The following MTTP variants were observed in gnomAD, a reference collection of about 807,000 sequenced individuals.
The protein encoded by MTTP is microsomal triglyceride transfer protein, also known as microsomal triglyceride transfer protein large subunit.
In MTTP, 49 loss-of-function variants were observed where a neutral mutation model predicts 90.6. That is an observed-to-expected ratio of 0.54 (90% CI 0.43 to 0.69). MTTP has a LOEUF of 0.69. MTTP is among the 30% of genes least tolerant of loss of function. MTTP has a pLI of 0.00. For missense variants in MTTP, 945 were observed against 1,067.5 expected, an observed-to-expected ratio of 0.89 and a Z score of 1.60; for synonymous variants, 347 against 384.2, an observed-to-expected ratio of 0.90 and a Z score of 1.13.
chr4:99,622,771 C>T lies in MTTP; in HGVS notation c.2608C>T (p.Leu870Phe). The part of the protein sequence containing the change: ...ESVLAGCEFP[L>F]HQENSEMCKV... Reference sequence around the variant, plus strand: ...CGTATTAGCAGGATGTGAATTCCCGCTCCATCAAGAGAACTCAGAGATGTG... The same window carrying T: ...CGTATTAGCAGGATGTGAATTCCCGTTCCATCAAGAGAACTCAGAGATGTG... The change falls in exon 18 of 18, where the codon CTC (leucine) becomes TTC (phenylalanine). Residue 870 changes from leucine (L) to phenylalanine (F), a missense_variant. Leu to Phe is a conservative substitution (Grantham distance 22). Transcript: ENST00000265517. 1 of 1,614,084 alleles carries T rather than the reference C, an allele frequency of 6.2e-7. No individual in the cohort carries two copies. The highest frequency in any genetic ancestry group is 8.5e-7 in the Non-Finnish European group (1 of 1,179,968).
Position 99,611,402 on chromosome 4 carries a change from T to A in MTTP, c.1938T>A (p.Ser646Arg). The A allele has an allele frequency of 6.2e-7, 1 of 1,614,068 alleles. No individual in the cohort carries two copies. The highest frequency in any genetic ancestry group is 1.1e-5 in the South Asian group (1 of 91,084). Residue 646 changes from serine (S) to arginine (R), a missense_variant, in exon 14 of 18, where the codon AGT becomes AGA. Transcript: ENST00000265517. ...CGGGTTCTGGCATTCTAAGGAGAAG[T>A]AACCTGAACATCTTTCAGTACATTG... ...LYSGSGILRR[S>R]NLNIFQYIGK...
intron 7 of MTTP, among the ~76,000 whole-genome samples, chr4:99,596,609 G>A (rs917651953): frequency 2.6e-5 from 4 of 152,058 alleles, no homozygotes; most frequent in Non-Finnish European, 5.9e-5. Flanking sequence ...GGAGCTCACC[G>A]AAAAATTGAT....
At chr4:99,603,861 A>G (rs1463964717) in intron 10 of MTTP, among the ~76,000 whole-genome samples, 1 of 152,208 alleles carries the variant, frequency 6.6e-6, no homozygotes, top group Non-Finnish European at 1.5e-5. Context: ...GTCATGTAGC[A>G]TAAGGAAACA....
At chr4:99,608,270 C>T (rs1725867268) in intron 11 of MTTP, among the ~76,000 whole-genome samples, 1 of 152,016 alleles carries the variant, frequency 6.6e-6, no homozygotes, top group Non-Finnish European at 1.5e-5. Flanking sequence ...CATAGTGAAA[C>T]CCCATCTCTA....
intron 17 of MTTP, 31 bp downstream of exon 17, chr4:99,621,262 G>A (rs373669600): frequency 6.8e-6 from 11 of 1,611,668 alleles, no homozygotes; most frequent in African/African-American, 1.3e-5. Context: ...CATGTTCCAG[G>A]ACCATCCCCA....
chr4:99,579,906 G>A (rs764160616), intron 1 of MTTP, among the ~76,000 whole-genome samples: 14 of 151,542 alleles, frequency 9.2e-5, no homozygotes, highest in East Asian at 2.0e-4. Context: ...GCTTAGTGGC[G>A]TGAGTGTGTG....
intron 1 of MTTP, among the ~76,000 whole-genome samples, chr4:99,566,469 A>G (rs1220815783): frequency 3.9e-5 from 6 of 152,170 alleles, no homozygotes; most frequent in Non-Finnish European, 7.3e-5. Context: ...ATACTACTCC[A>G]TGGGTTACAA....
In MTTP at chr4:99,581,941, T is replaced by C; in HGVS notation, c.98T>C (p.Leu33Pro). 2 of 1,614,172 alleles carry C rather than the reference T, an allele frequency of 1.2e-6. No individual in the cohort carries two copies. Among genetic ancestry groups the C allele is most frequent in the Non-Finnish European group, 1.7e-6 (2 of 1,180,002 alleles). The change falls in exon 2 of 18, where the codon CTG (leucine) becomes CCG (proline). Residue 33 changes from leucine (L) to proline (P), a missense_variant. Physicochemically the swap from Leu to Pro is moderately conservative, Grantham distance 98 (BLOSUM62 -3). Transcript: ENST00000265517. ...GGTCTCTCATTAAATAATGACCGGC[T>C]GTACAAGCTCACGTACTCCACTGAA... ...TTGLSLNNDR[L>P]YKLTYSTEVL...
intron 1 of MTTP, among the ~76,000 whole-genome samples, chr4:99,578,864 C>G (rs959626362): frequency 6.6e-6 from 1 of 152,166 alleles, no homozygotes; most frequent in African/African-American, 2.4e-5. Context: ...CAGAATTGCT[C>G]TGAGGATTAG....
intron 1 of MTTP, among the ~76,000 whole-genome samples, chr4:99,580,574 CAAAAAAAAAAAAA>C (rs563138284): frequency 2.5e-4 from 10 of 39,880 alleles, no homozygotes; most frequent in Non-Finnish European, 3.4e-4. Flanking sequence ...GACTCTGTCT[CAAAAAAAAAAAAA>C]AAAAAAAAAA....
intron 6 of MTTP, among the ~76,000 whole-genome samples, chr4:99,592,214 C>A (rs1725444112): frequency 6.6e-6 from 1 of 152,124 alleles, no homozygotes; most frequent in African/African-American, 2.4e-5. Context: ...ATTTGCAGGG[C>A]TGAAAGTTGC....
intron 6 of MTTP, 133 bp downstream of exon 6, chr4:99,591,923 AAGT>A: frequency 1.2e-6 from 1 of 832,784 alleles, no homozygotes. Flanking sequence ...CAATGGGAAT[AAGT>A]TCTGAGAAAA....
chr4:99,581,590 T>C (rs79030010), intron 1 of MTTP, among the ~76,000 whole-genome samples: 4,550 of 151,648 alleles, frequency 0.03, 95 homozygotes, highest in Middle Eastern at 0.055. Context: ...ATCATGTTCA[T>C]ATAATTAAGA....
chr4:99,580,493 T>C (rs925859515), intron 1 of MTTP, among the ~76,000 whole-genome samples: 2 of 144,846 alleles, frequency 1.4e-5, no homozygotes, highest in Non-Finnish European at 3.0e-5. Context: ...GAGAATTGCT[T>C]GAGCCTGGGA....
chr4:99,564,655 G>A (rs1035766411), intron 1 of MTTP, among the ~76,000 whole-genome samples: 7 of 152,024 alleles, frequency 4.6e-5, no homozygotes, highest in South Asian at 2.1e-4. Flanking sequence ...ATACAACCCC[G>A]TAGATTGTCA....
intron 1 of MTTP, among the ~76,000 whole-genome samples, chr4:99,566,297 G>GAAAAAAAAAAAAAAAAAAAAAAAAAAAA: frequency 8.5e-6 from 1 of 117,534 alleles, no homozygotes; most frequent in Non-Finnish European, 1.8e-5. Flanking sequence ...TCAAAAAAAA[G>GAAAAAAAAAAAAAAAAAAAAAAAAAAAA]AAAAAAAAAA....
chr4:99,584,553 C>A (rs2110213433), intron 3 of MTTP, among the ~76,000 whole-genome samples: 1 of 152,142 alleles, frequency 6.6e-6, no homozygotes. Flanking sequence ...GTGTTTTCAC[C>A]TCGCCTACAA....
intron 10 of MTTP, among the ~76,000 whole-genome samples, chr4:99,602,669 C>A (rs896561444): frequency 6.6e-6 from 1 of 151,986 alleles, no homozygotes; most frequent in African/African-American, 2.4e-5. Flanking sequence ...TAAGTTCTGG[C>A]AGAAATTAAA....
intron 15 of MTTP, among the ~76,000 whole-genome samples, chr4:99,618,162 G>T (rs1320514621): frequency 6.6e-6 from 1 of 152,138 alleles, no homozygotes; most frequent in Non-Finnish European, 1.5e-5. Flanking sequence ...ATCTAGAGAT[G>T]ATTTAAAGTG....
Sources: allele counts gnomAD v4.1 joint callset (sites outside exome capture counted in the v4.1 genomes callset), GRCh38; gene constraint gnomAD v4.1.1; transcripts MANE v1.5; gene names NCBI Gene and HGNC (gene_info 2026-07-23, HGNC 2026-07-21).